Variants in TMEM131 observed in about 807,000 individuals in gnomAD.
TMEM131 encodes the protein transmembrane protein 131, also known as 2610524E03Rik.
Under a neutral mutation model 211.6 loss-of-function variants are expected in TMEM131, and 66 were observed. That is an observed-to-expected ratio of 0.31 (90% CI 0.26 to 0.38). The LOEUF is 0.38. Among genes scored for constraint, TMEM131 ranks in the 10% least tolerant of loss-of-function variants. The pLI is 1.00. For synonymous variants in TMEM131, 844 were observed against 841.3 expected (o/e 1.00, Z -0.06); for missense variants, 2,036 against 2,299.3 (o/e 0.89, Z 2.34).
At chr2:97,934,668 A>G (rs1468228445) in intron 1 of TMEM131, among the ~76,000 whole-genome samples, 2 of 152,212 alleles carry the variant, frequency 1.3e-5, no homozygotes, top group African/African-American at 2.4e-5. Context: ...GGATAGACAC[A>G]TAAATCACTT....
intron 1 of TMEM131, among the ~76,000 whole-genome samples, chr2:97,975,159 T>C (rs776858307): frequency 1.3e-5 from 2 of 151,058 alleles, no homozygotes; most frequent in African/African-American, 2.4e-5. Flanking sequence ...CTTTGATAAA[T>C]ACCCAAAGAC....
chr2:97,983,738 AAC>A lies in TMEM131; in HGVS notation c.187+11736_187+11737del, dbSNP rs1053956722. Among the ~76,000 whole-genome samples, 10 of 152,208 alleles carry A rather than the reference AAC, an allele frequency of 6.6e-5. No individual in the cohort carries two copies. The East Asian group carries it at 9.7e-4, about 15-fold the overall frequency. On this transcript the variant is annotated intron_variant, in intron 1 of 40. Transcript: ENST00000186436. ...TTCTCCCCATGTTGCCTTTCCTTAA[AAC>A]AGTTTCTTTTGTCTTTTTTCATTTC...
At chr2:97,795,448 C>T (rs1680717086) in intron 28 of TMEM131, among the ~76,000 whole-genome samples, 1 of 152,092 alleles carries the variant, frequency 6.6e-6, no homozygotes. Context: ...GCTACAATCC[C>T]AATAATGTCT....
intron 1 of TMEM131, among the ~76,000 whole-genome samples, chr2:97,967,396 G>C (rs1229987557): frequency 6.6e-6 from 1 of 151,974 alleles, no homozygotes; most frequent in Non-Finnish European, 1.5e-5. Context: ...CACACTGACA[G>C]AAAACAGGAA....
chr2:97,956,925 C>G (rs1678592924), intron 1 of TMEM131, among the ~76,000 whole-genome samples: 1 of 151,942 alleles, frequency 6.6e-6, no homozygotes, highest in Admixed American at 6.6e-5. Context: ...TGGTGAAACC[C>G]CATCTGTACT....
rs1354700151 is a variant in TMEM131 at position 97,757,264 on chromosome 2, G to A, written c.5487C>T (p.Ile1829=). 4.3e-6 allele frequency: 7 copies of A among 1,613,852 alleles called. No individual in the cohort carries two copies. Among genetic ancestry groups the A allele is most frequent in the African/African-American group, 4.0e-5 (3 of 74,918 alleles). Residue 1829 remains isoleucine (I), a synonymous_variant, in exon 41 of 41, where the codon ATC becomes ATT. Transcript: ENST00000186436. ...GGGAGTTTTCTGTGCCCATGAGGCCGATGCTTGCCAGCGTGTTTGCTGGAG... is the reference window on the plus strand; with the variant it reads ...GGGAGTTTTCTGTGCCCATGAGGCCAATGCTTGCCAGCGTGTTTGCTGGAG... ...FTTPANTLAS[I]GLMGTENSPA...
intron 15 of TMEM131, among the ~76,000 whole-genome samples, chr2:97,813,193 G>C (rs759087430): frequency 6.6e-6 from 1 of 152,152 alleles, no homozygotes; most frequent in Non-Finnish European, 1.5e-5. Flanking sequence ...ACTACTAAGA[G>C]AGGTTTAGTG....
At chr2:97,936,501 C>T (rs1559459357) in intron 1 of TMEM131, among the ~76,000 whole-genome samples, 1 of 152,196 alleles carries the variant, frequency 6.6e-6, no homozygotes, top group Non-Finnish European at 1.5e-5. Flanking sequence ...CGCAAATACA[C>T]AGGCCTCTCA....
At chr2:97,875,955 AATAG>A (rs1417182616) in intron 4 of TMEM131, among the ~76,000 whole-genome samples, 11 of 152,312 alleles carry the variant, frequency 7.2e-5, no homozygotes, top group South Asian at 2.1e-4. Flanking sequence ...AGGTCAACAA[AATAG>A]ATAGACCACT....
chr2:97,851,269 A>G (rs930388533), intron 5 of TMEM131, among the ~76,000 whole-genome samples: 8 of 152,076 alleles, frequency 5.3e-5, no homozygotes, highest in African/African-American at 1.7e-4. Context: ...CTGAAATCTA[A>G]CATGTCCAAA....
intron 19 of TMEM131, 29 bp downstream of exon 19, chr2:97,809,659 T>A: frequency 6.4e-7 from 1 of 1,558,348 alleles, no homozygotes; most frequent in East Asian, 2.3e-5. Context: ...AAACGAGCAA[T>A]AGAAAAATGT....
intron 1 of TMEM131, among the ~76,000 whole-genome samples, chr2:97,951,197 A>G (rs558286483): frequency 3.9e-5 from 6 of 152,158 alleles, no homozygotes; most frequent in Non-Finnish European, 7.4e-5. Context: ...AAAAACATGG[A>G]GTCAGTTAGG....
At chr2:97,852,886 T>G (rs185688911) in intron 5 of TMEM131, among the ~76,000 whole-genome samples, 1 of 152,238 alleles carries the variant, frequency 6.6e-6, no homozygotes, top group African/African-American at 2.4e-5. Context: ...CTGAAAATTC[T>G]AGAGACCTTA....
Position 97,809,748 on chromosome 2 carries a change from C to G in TMEM131, c.1995G>C (p.Val665=), listed in dbSNP as rs1438375626. The stretch of plus-strand genomic sequence containing the variant: ...AGCAGGTCAGTGAGCCTACTGCAAT[C>G]ACAGCCTTCACAGGGATTGTCAGGA... The part of the protein sequence containing the change: ...YEILTIPVKA[V]IAVGSLTCFP... The change falls in exon 19 of 41, where the codon GTG becomes GTC. Residue 665 remains valine (V), a synonymous_variant. Transcript: ENST00000186436. The G allele has an allele frequency of 6.2e-7, 1 of 1,606,696 alleles. No individual in the cohort carries two copies. Among genetic ancestry groups the G allele is most frequent in the South Asian group, 1.1e-5 (1 of 89,090 alleles).
Position 97,762,617 on chromosome 2 carries a change from C to T in TMEM131, c.4724-417G>A, listed in dbSNP as rs890168517. 5 of 184,698 alleles carry T rather than the reference C, an allele frequency of 2.7e-5. 1 individual carries two copies. In the Middle Eastern group the frequency reaches 7.3e-3, roughly 270 times the overall value. 11.4% of individuals were successfully genotyped at this position (184,698 alleles called of 1,614,324 possible). On this transcript the variant is annotated intron_variant, in intron 35 of 40. Coordinates refer to ENST00000186436, the MANE Select transcript of TMEM131 (RefSeq NM_015348.2). ...TGAATCCCCAAGTTCAGTAAAGCCTCTCCATTGGCGTGACTGGGATGTGCA... is the reference window on the plus strand; with the variant it reads ...TGAATCCCCAAGTTCAGTAAAGCCTTTCCATTGGCGTGACTGGGATGTGCA...
chr2:97,814,712 A>G (rs1368013159), intron 13 of TMEM131, among the ~76,000 whole-genome samples: 1 of 152,240 alleles, frequency 6.6e-6, no homozygotes, highest in Non-Finnish European at 1.5e-5. Context: ...GCTAAAATGA[A>G]TCTTTGCCAA....
intron 2 of TMEM131, 111 bp downstream of exon 2, chr2:97,927,315 T>C: frequency 1.3e-6 from 1 of 787,006 alleles, no homozygotes; most frequent in Non-Finnish European, 1.9e-6. Context: ...TCTTCAAAGC[T>C]CATAAAATAT....
Position 97,950,653 on chromosome 2 carries a change from G to A in TMEM131, c.188-23166C>T, listed in dbSNP as rs181390519. Among the ~76,000 whole-genome samples, 25 of 151,930 alleles carry A rather than the reference G, an allele frequency of 1.6e-4. No individual in the cohort carries two copies. In the East Asian group the frequency reaches 2.7e-3, roughly 16 times the overall value. On this transcript the variant is annotated intron_variant, in intron 1 of 40. Coordinates refer to ENST00000186436, the MANE Select transcript of TMEM131 (RefSeq NM_015348.2). ...GAAATAATTTTTTTTTTTTAATTACGGGTTTCTCAGAAATCATGTAGAAGT... is the reference window on the plus strand; with the variant it reads ...GAAATAATTTTTTTTTTTTAATTACAGGTTTCTCAGAAATCATGTAGAAGT...
chr2:97,935,355 G>A (rs1677398323), intron 1 of TMEM131, among the ~76,000 whole-genome samples: 1 of 152,122 alleles, frequency 6.6e-6, no homozygotes, highest in South Asian at 2.1e-4. Flanking sequence ...ACCAGGTACA[G>A]GCTACACAGG....
Sources: allele counts gnomAD v4.1 joint callset (sites outside exome capture counted in the v4.1 genomes callset), GRCh38; gene constraint gnomAD v4.1.1; transcripts MANE v1.5; gene names NCBI Gene and HGNC (gene_info 2026-07-23, HGNC 2026-07-21).